Variants in CACNA2D3 observed in about 807,000 individuals in gnomAD.
CACNA2D3 encodes voltage-dependent calcium channel subunit alpha-2/delta-3.
Under a neutral mutation model 160.6 loss-of-function variants are expected in CACNA2D3, and 60 were observed. That is an observed-to-expected ratio of 0.37 (90% CI 0.30 to 0.46). The LOEUF is 0.46. Ranked by LOEUF, CACNA2D3 falls within the 20% of genes least tolerant of loss-of-function variation. The pLI is 1.00. For synonymous variants in CACNA2D3, 558 were observed against 492.9 expected (o/e 1.13, Z -1.75); for missense variants, 1,205 against 1,365.0 (o/e 0.88, Z 1.85).
chr3:54,434,305 A>G (rs1269551377), intron 4 of CACNA2D3, among the ~76,000 whole-genome samples: 1 of 152,148 alleles, frequency 6.6e-6, no homozygotes, highest in African/African-American at 2.4e-5. Flanking sequence ...TACGGCGATG[A>G]AAGTTTGGGC....
chr3:54,784,955 T>C (rs758729743), intron 13 of CACNA2D3, among the ~76,000 whole-genome samples: 2 of 152,156 alleles, frequency 1.3e-5, no homozygotes, highest in South Asian at 2.1e-4. Context: ...AGTTTTAGTT[T>C]TGTACCTCTC....
intron 4 of CACNA2D3, among the ~76,000 whole-genome samples, chr3:54,468,248 G>T (rs1374187897): frequency 6.6e-6 from 1 of 152,190 alleles, no homozygotes; most frequent in Non-Finnish European, 1.5e-5. Flanking sequence ...ATCTCATTGG[G>T]ACTGGTTGGA....
At chr3:54,666,438 A>G (rs1575413706) in intron 11 of CACNA2D3, among the ~76,000 whole-genome samples, 1 of 152,204 alleles carries the variant, frequency 6.6e-6, no homozygotes, top group Non-Finnish European at 1.5e-5. Context: ...AGTGAATGGA[A>G]CCCAAGCCAA....
At chr3:54,581,499 G>A (rs896318181) in intron 8 of CACNA2D3, among the ~76,000 whole-genome samples, 1 of 152,134 alleles carries the variant, frequency 6.6e-6, no homozygotes, top group Non-Finnish European at 1.5e-5. Context: ...CCATGCCCAG[G>A]GAACTGCCAG....
intron 2 of CACNA2D3, among the ~76,000 whole-genome samples, chr3:54,259,805 A>C (rs566612552): frequency 6.6e-6 from 1 of 152,246 alleles, no homozygotes; most frequent in Non-Finnish European, 1.5e-5. Context: ...TGTGGCTGCA[A>C]AATAGGGATT....
intron 2 of CACNA2D3, among the ~76,000 whole-genome samples, chr3:54,232,650 A>G (rs1701796116): frequency 6.6e-6 from 1 of 151,994 alleles, no homozygotes; most frequent in Non-Finnish European, 1.5e-5. Flanking sequence ...CTTTCTTACC[A>G]GTTTAGGTTT....
chr3:54,179,310 C>G (rs1700736654), intron 2 of CACNA2D3, among the ~76,000 whole-genome samples: 1 of 152,208 alleles, frequency 6.6e-6, no homozygotes, highest in Non-Finnish European at 1.5e-5. Flanking sequence ...GCAGAAGGAT[C>G]TGGAAGGCTG....
At chr3:54,575,290 T>A (rs1003271957) in intron 8 of CACNA2D3, among the ~76,000 whole-genome samples, 1 of 151,902 alleles carries the variant, frequency 6.6e-6, no homozygotes, top group Non-Finnish European at 1.5e-5. Flanking sequence ...AGCATTTAAT[T>A]CTATGGGTTT....
At chr3:54,288,613 C>G (rs1487415986) in intron 2 of CACNA2D3, among the ~76,000 whole-genome samples, 1 of 151,972 alleles carries the variant, frequency 6.6e-6, no homozygotes, top group Non-Finnish European at 1.5e-5. Flanking sequence ...GGCAGAGACA[C>G]AACCAAAAAA....
At chr3:54,966,611 G>A (rs1205133387) in intron 27 of CACNA2D3, among the ~76,000 whole-genome samples, 1 of 152,150 alleles carries the variant, frequency 6.6e-6, no homozygotes, top group East Asian at 1.9e-4. Context: ...TTGAGCCCAC[G>A]AGTTAGAGAT....
At chr3:54,144,804 A>G (rs4428220) in intron 2 of CACNA2D3, among the ~76,000 whole-genome samples, 27,968 of 152,290 alleles carry the variant, frequency 0.18, 2,755 homozygotes, top group Middle Eastern at 0.28. Flanking sequence ...AGAGTTTAGC[A>G]GAGAATTGAA....
intron 2 of CACNA2D3, among the ~76,000 whole-genome samples, chr3:54,298,292 TTTCTCAACTTGG>T (rs1353576424): frequency 1.3e-5 from 2 of 152,226 alleles, no homozygotes; most frequent in Non-Finnish European, 2.9e-5. Context: ...TGCTTTTACT[TTTCTCAACTTGG>T]TATTTATGGC....
rs61102294 is a variant in CACNA2D3 at position 54,886,555 on chromosome 3, C to T, written c.2056+969C>T. 7.6e-3 allele frequency among the ~76,000 whole-genome samples: 1,153 copies of T among 152,160 alleles called. 18 individuals are homozygous for T. The highest frequency in any genetic ancestry group is 0.027 in the African/African-American group (1,100 of 41,492). On this transcript the variant is annotated intron_variant, in intron 23 of 37. Coordinates refer to ENST00000474759, the MANE Select transcript of CACNA2D3 (RefSeq NM_018398.3). ...GAGACATTATAGATAAAGTTGAAGC[C>T]CCTGGGTCCCTGCTCAGCCTCGTTT...
intron 4 of CACNA2D3, among the ~76,000 whole-genome samples, chr3:54,482,905 C>T (rs956137428): frequency 1.3e-5 from 2 of 152,192 alleles, no homozygotes; most frequent in African/African-American, 4.8e-5. Flanking sequence ...CACTTCTGCT[C>T]ACAACCCATT....
chr3:54,637,842 C>T (rs1252998666), intron 10 of CACNA2D3: 1 of 151,952 alleles, frequency 6.6e-6, no homozygotes, highest in Non-Finnish European at 1.5e-5. Context: ...GTTGAACAGT[C>T]CGATTTTCAG....
intron 35 of CACNA2D3, among the ~76,000 whole-genome samples, chr3:55,052,949 T>C (rs1704263022): frequency 6.6e-6 from 1 of 152,142 alleles, no homozygotes; most frequent in African/African-American, 2.4e-5. Context: ...AATCTACCTT[T>C]TAATTGGTAC....
At chr3:54,549,505 G>A (rs1402230430) in intron 5 of CACNA2D3, among the ~76,000 whole-genome samples, 2 of 152,046 alleles carry the variant, frequency 1.3e-5, no homozygotes, top group Admixed American at 6.5e-5. Context: ...ACTTGCCCCC[G>A]TTCCCTTTTT....
intron 3 of CACNA2D3, among the ~76,000 whole-genome samples, chr3:54,380,745 AAAAC>A (rs1559465814): frequency 6.6e-6 from 1 of 152,068 alleles, no homozygotes; most frequent in East Asian, 1.9e-4. Context: ...AAAAAACAAA[AAAAC>A]AAAAGCCACT....
chr3:54,936,521 C>T (rs1382993720), intron 27 of CACNA2D3, among the ~76,000 whole-genome samples: 2 of 152,224 alleles, frequency 1.3e-5, no homozygotes, highest in Non-Finnish European at 2.9e-5. Context: ...AAGGCCCTGC[C>T]TTGACTTTGC....
Sources: allele counts gnomAD v4.1 joint callset (sites outside exome capture counted in the v4.1 genomes callset), GRCh38; gene constraint gnomAD v4.1.1; transcripts MANE v1.5; gene names NCBI Gene and HGNC (gene_info 2026-07-23, HGNC 2026-07-21).